The following PDE8B variants were observed in gnomAD, a reference collection of about 807,000 sequenced individuals.
PDE8B encodes phosphodiesterase 8B, also known as high affinity cAMP-specific and IBMX-insensitive 3',5'-cyclic phosphodiesterase 8B.
PDE8B carries 26 observed loss-of-function variants against 101.3 expected under a neutral mutation model. The ratio of observed to expected loss-of-function variants is 0.26; its 90% CI spans 0.19 to 0.36. The LOEUF (loss-of-function observed/expected upper bound fraction) is 0.36. Ranked by LOEUF, PDE8B falls within the 10% of genes least tolerant of loss-of-function variation. The pLI, the probability that PDE8B is intolerant of heterozygous loss-of-function variation, is 1.00. For missense variants in PDE8B, 810 were observed against 1,163.1 expected (o/e 0.70, Z 4.42); for synonymous variants, 424 against 429.3 (o/e 0.99, Z 0.15).
intron 1 of PDE8B, among the ~76,000 whole-genome samples, chr5:77,222,043 C>G (rs1298790841): frequency 1.3e-5 from 2 of 152,138 alleles, no homozygotes; most frequent in African/African-American, 2.4e-5. Context: ...TCACAAGGCC[C>G]CCTTGCAGCT....
At chr5:77,332,467 T>C (rs565964653) in intron 5 of PDE8B, among the ~76,000 whole-genome samples, 68 of 152,298 alleles carry the variant, frequency 4.5e-4, no homozygotes, top group African/African-American at 1.6e-3. Context: ...AGATTAAGAT[T>C]GGTTACTCCA....
intron 1 of PDE8B, among the ~76,000 whole-genome samples, chr5:77,240,987 A>G (rs947873254): frequency 1.3e-5 from 2 of 152,256 alleles, no homozygotes; most frequent in Non-Finnish European, 2.9e-5. Context: ...TTAGTAACAC[A>G]TAGTGAATTT....
intron 1 of PDE8B, among the ~76,000 whole-genome samples, chr5:77,283,357 A>G (rs1765391664): frequency 6.6e-6 from 1 of 152,174 alleles, no homozygotes; most frequent in African/African-American, 2.4e-5. Context: ...AATCATCCAG[A>G]GTCCATAGTT....
intron 1 of PDE8B, among the ~76,000 whole-genome samples, chr5:77,276,818 T>C (rs1487591296): frequency 6.6e-6 from 1 of 152,174 alleles, no homozygotes; most frequent in African/African-American, 2.4e-5. Flanking sequence ...AGATAGAAGC[T>C]CTAGTATTGA....
chr5:77,312,122 G>C, intron 2 of PDE8B, 69 bp downstream of exon 2: 1 of 361,654 alleles, frequency 2.8e-6, no homozygotes, highest in Non-Finnish European at 3.8e-6. Context: ...TTTTTTTTTT[G>C]AGATGGAGCC....
intron 3 of PDE8B, among the ~76,000 whole-genome samples, chr5:77,328,251 G>A (rs1039999494): frequency 6.6e-6 from 1 of 152,168 alleles, no homozygotes; most frequent in Admixed American, 6.5e-5. Flanking sequence ...CCAGAACAGT[G>A]CAGAATCTGG....
chr5:77,164,366 A>G, the PDE8B span, among the ~76,000 whole-genome samples: 1 of 152,202 alleles, frequency 6.6e-6, no homozygotes, highest in Non-Finnish European at 1.5e-5. Flanking sequence ...AATAAATGTG[A>G]TGGGGTTTTA....
chr5:77,227,519 G>A (rs1752659580), intron 1 of PDE8B, among the ~76,000 whole-genome samples: 1 of 152,072 alleles, frequency 6.6e-6, no homozygotes, highest in African/African-American at 2.4e-5. Context: ...GAGAGAGAGA[G>A]CAAAGATGAA....
chr5:77,387,096 G>A (rs1378056022), intron 10 of PDE8B, among the ~76,000 whole-genome samples: 5 of 151,472 alleles, frequency 3.3e-5, no homozygotes, highest in Admixed American at 6.6e-5. Flanking sequence ...TGTTAGCCAG[G>A]ATGGTCTCGA....
At chr5:77,204,912 C>T in the PDE8B span, among the ~76,000 whole-genome samples, 1 of 152,182 alleles carries the variant, frequency 6.6e-6, no homozygotes, top group Non-Finnish European at 1.5e-5. Context: ...TAGGACTGCA[C>T]CTTGTGTTTC....
In PDE8B at chr5:77,280,398, C is replaced by T. The variant is rs901512522; in HGVS notation, c.340-31596C>T. 5.3e-5 allele frequency among the ~76,000 whole-genome samples: 8 copies of T among 152,064 alleles called. 1 individual carries two copies. Among genetic ancestry groups the T allele is most frequent in the Admixed American group, 5.2e-4 (8 of 15,268 alleles). The stretch of plus-strand genomic sequence containing the variant: ...TTTAAATTTCCAATTTACTATGGAC[C>T]AAGACCCTTGAAAAATACAATGAAA... On this transcript the variant is annotated intron_variant, in intron 1 of 21. Transcript: ENST00000264917.
At chr5:77,113,772 A>G in the PDE8B span, 83 of 152,362 alleles carry the variant, frequency 5.4e-4, no homozygotes, top group African/African-American at 1.8e-3. Flanking sequence ...CATCTGCCAA[A>G]GGGCTAGTAT....
intron 1 of PDE8B, among the ~76,000 whole-genome samples, chr5:77,218,386 A>G (rs1341413379): frequency 6.6e-6 from 1 of 152,228 alleles, no homozygotes; most frequent in Non-Finnish European, 1.5e-5. Context: ...GGGCTGCAAG[A>G]GGTGGGATAA....
At chr5:77,410,889 G>C (rs562976051) in intron 14 of PDE8B, 7 of 151,960 alleles carry the variant, frequency 4.6e-5, no homozygotes, top group African/African-American at 1.7e-4. Context: ...TGTGCACAAC[G>C]TGCAGGTTTG....
intron 11 of PDE8B, among the ~76,000 whole-genome samples, chr5:77,401,428 A>G (rs1170464443): frequency 6.6e-6 from 1 of 152,206 alleles, no homozygotes; most frequent in Non-Finnish European, 1.5e-5. Context: ...ACACTTTGCA[A>G]ATACTCAGCA....
intron 1 of PDE8B, among the ~76,000 whole-genome samples, chr5:77,214,913 C>G (rs575279984): frequency 2.8e-4 from 43 of 152,206 alleles, no homozygotes; most frequent in African/African-American, 9.9e-4. Flanking sequence ...AGAACCACTG[C>G]TTTTTACAGT....
chr5:77,211,033 G>T lies in PDE8B; in HGVS notation c.108G>T (p.Pro36=). The stretch of plus-strand genomic sequence containing the variant: ...AGACCACCAGCGTGTCGCAGGGCCC[G>T]GCGGCACCCCTGCCCGGCCTCTTCG... ...PRQTTSVSQG[P]AAPLPGLFVQ... is the part of the protein sequence containing the mutation. Residue 36 remains proline, a synonymous_variant, in exon 1 of 22, where the codon CCG becomes CCT. Transcript: ENST00000264917. This position sits in a 1 kb window ranked among gnomAD's most constrained non-coding sequence, Gnocchi z 4.1. The T allele has an allele frequency of 6.5e-7, 1 of 1,541,968 alleles. No individual in the cohort carries two copies. The highest frequency in any genetic ancestry group is 8.7e-7 in the Non-Finnish European group (1 of 1,154,456).
intron 1 of PDE8B, among the ~76,000 whole-genome samples, chr5:77,238,360 C>A (rs969276102): frequency 4.6e-5 from 7 of 152,110 alleles, no homozygotes; most frequent in Admixed American, 4.6e-4. Flanking sequence ...TTGAGCCTAT[C>A]CAGTTGGTTT....
the PDE8B span, among the ~76,000 whole-genome samples, chr5:77,195,913 A>G: frequency 6.6e-6 from 1 of 152,300 alleles, no homozygotes; most frequent in East Asian, 1.9e-4. Context: ...GCAGAGGCAG[A>G]AGAAAATCTG....
Sources: allele counts gnomAD v4.1 joint callset (sites outside exome capture counted in the v4.1 genomes callset), GRCh38; gene constraint gnomAD v4.1.1; non-coding constraint Gnocchi (gnomAD v3.1); transcripts MANE v1.5; gene names NCBI Gene and HGNC (gene_info 2026-07-23, HGNC 2026-07-21).